EFCAB6: variants seen among roughly 807,000 people sequenced by gnomAD.
The protein encoded by EFCAB6 is EF-hand calcium binding domain 6.
EFCAB6 carries 156 observed loss-of-function variants against 169.8 expected under a neutral mutation model. The observed-to-expected ratio is 0.92, with a 90% CI of 0.81 to 1.05. The LOEUF is 1.05. EFCAB6 is among the 50% of genes least tolerant of loss of function. The pLI is 0.00. For missense variants in EFCAB6, 1,800 were observed against 1,829.1 expected, an observed-to-expected ratio of 0.98 and a Z score of 0.29; for synonymous variants, 698 against 676.4, an observed-to-expected ratio of 1.03 and a Z score of -0.50.
At chr22:43,806,193 G>A (rs1361000040) in intron 2 of EFCAB6, among the ~76,000 whole-genome samples, 4 of 149,694 alleles carry the variant, frequency 2.7e-5, no homozygotes, top group South Asian at 2.1e-4. Context: ...GAGGGGGAGG[G>A]GAGGGGAGGG....
intron 10 of EFCAB6, among the ~76,000 whole-genome samples, chr22:43,707,626 T>C (rs189103298): frequency 6.6e-6 from 1 of 152,280 alleles, no homozygotes; most frequent in Non-Finnish European, 1.5e-5. Flanking sequence ...AAGGAGATAA[T>C]TCTCAGACAA....
At chr22:43,666,691 GTTT>G (rs137764) in intron 17 of EFCAB6, among the ~76,000 whole-genome samples, 1 of 77,864 alleles carries the variant, frequency 1.3e-5, no homozygotes, top group Non-Finnish European at 2.3e-5. Flanking sequence ...CTGCCAGATT[GTTT>G]TTTTTTTTTT....
intron 26 of EFCAB6, among the ~76,000 whole-genome samples, chr22:43,571,329 G>A (rs562160609): frequency 1.6e-4 from 25 of 152,254 alleles, no homozygotes; most frequent in African/African-American, 4.8e-4. Context: ...GATTACTCAC[G>A]GTGAACTTGC....
At chr22:43,612,999 T>C (rs912690128) in intron 21 of EFCAB6, among the ~76,000 whole-genome samples, 3 of 150,534 alleles carry the variant, frequency 2.0e-5, no homozygotes, top group Non-Finnish European at 4.4e-5. Flanking sequence ...CCAACCATTG[T>C]GGAAAGCAGT....
intron 2 of EFCAB6, among the ~76,000 whole-genome samples, chr22:43,800,594 T>C (rs2062675132): frequency 1.3e-5 from 2 of 152,190 alleles, no homozygotes; most frequent in Admixed American, 6.5e-5. Flanking sequence ...AGAAAATCAA[T>C]TCAGAACTTT....
intron 27 of EFCAB6, 193 bp from the exon 28 acceptor site, chr22:43,540,550 A>G: frequency 6.6e-7 from 1 of 1,519,792 alleles, no homozygotes; most frequent in Non-Finnish European, 8.8e-7. Context: ...GACTCTGGAA[A>G]AGCAAAGACA....
intron 17 of EFCAB6, among the ~76,000 whole-genome samples, chr22:43,644,278 A>T (rs1413018917): frequency 6.6e-6 from 1 of 152,144 alleles, no homozygotes; most frequent in East Asian, 1.9e-4. Context: ...AAGGAAAGCC[A>T]CATATTAGTG....
At chr22:43,696,769 G>A (rs2058591457) in intron 10 of EFCAB6, among the ~76,000 whole-genome samples, 1 of 152,170 alleles carries the variant, frequency 6.6e-6, no homozygotes, top group South Asian at 2.1e-4. Context: ...GTGACAGAGA[G>A]CAAGTCAATG....
chr22:43,580,780 T>G, intron 24 of EFCAB6, 121 bp from the exon 25 acceptor site: 6 of 1,038,124 alleles, frequency 5.8e-6, no homozygotes, highest in Non-Finnish European at 8.5e-6. Context: ...TAAGACACCA[T>G]TCCCTTCGCT....
At chr22:43,735,334 CACCCCACCCTCCT>C (rs2060093527) in intron 7 of EFCAB6, among the ~76,000 whole-genome samples, 1 of 148,432 alleles carries the variant, frequency 6.7e-6, no homozygotes, top group African/African-American at 2.4e-5. Context: ...TCCTGCCGCA[CACCCCACCCTCCT>C]GCCGCACACC....
chr22:43,575,327 A>G (rs2050173167), intron 26 of EFCAB6, among the ~76,000 whole-genome samples: 1 of 144,700 alleles, frequency 6.9e-6, no homozygotes, highest in Non-Finnish European at 1.5e-5. Flanking sequence ...AGTAGCTGGG[A>G]TTACAGGCAC....
Position 43,554,880 on chromosome 22 carries a change from T to G in EFCAB6, c.3637A>C (p.Thr1213Pro). 1 of 1,614,166 alleles carries G rather than the reference T, an allele frequency of 6.2e-7. No individual in the cohort carries two copies. Among genetic ancestry groups the G allele is most frequent in the East Asian group, 2.2e-5 (1 of 44,882 alleles). Residue 1213 changes from threonine to proline, a missense_variant, in exon 27 of 32, where the codon ACG (threonine) becomes CCG (proline). By Grantham distance (38) the Thr-to-Pro change is conservative (BLOSUM62 -1). Coordinates refer to ENST00000262726, the MANE Select transcript of EFCAB6 (RefSeq NM_022785.4). ...CTGGCGTTTCTTACCTGTTCGTCCG[T>G]CAGGATTTGGACGCGGCGATTACAA... ...AICNRRVQIL[T>P]DEQFDRLWNE...
intron 17 of EFCAB6, among the ~76,000 whole-genome samples, chr22:43,662,525 C>T (rs1254033646): frequency 6.6e-6 from 1 of 152,160 alleles, no homozygotes; most frequent in East Asian, 1.9e-4. Flanking sequence ...AAGTTTGTGA[C>T]ACAGACCTTC....
intron 30 of EFCAB6, 111 bp downstream of exon 30, chr22:43,534,577 A>T (rs909291123): frequency 2.9e-6 from 3 of 1,038,170 alleles, no homozygotes; most frequent in Non-Finnish European, 4.0e-6. Context: ...GTGAACCGTG[A>T]ACCACTGTTC....
chr22:43,801,692 A>G lies in EFCAB6; in HGVS notation c.-8+7303T>C, dbSNP rs1374797410. 5.3e-5 allele frequency among the ~76,000 whole-genome samples: 8 copies of G among 152,346 alleles called. 1 individual carries two copies. In the East Asian group the frequency reaches 1.5e-3, roughly 29 times the overall value. ...TTTAAAATAATTTGTTATATCTATA[A>G]GATGTTTCTGTAAGCCTCATGGTAA... On this transcript the variant is annotated intron_variant, in intron 2 of 31. Transcript: ENST00000262726.
intron 8 of EFCAB6, among the ~76,000 whole-genome samples, chr22:43,729,281 G>A (rs778116994): frequency 6.6e-5 from 10 of 152,110 alleles, no homozygotes; most frequent in Non-Finnish European, 1.3e-4. Flanking sequence ...TTTAAATAGA[G>A]ACAGGGTCTT....
chr22:43,581,321 C>A (rs2050709267), intron 24 of EFCAB6, among the ~76,000 whole-genome samples: 1 of 152,146 alleles, frequency 6.6e-6, no homozygotes, highest in South Asian at 2.1e-4. Flanking sequence ...AGTTGTCAAG[C>A]TGAAAGCACT....
At chr22:43,604,030 C>G (rs966758337) in intron 22 of EFCAB6, among the ~76,000 whole-genome samples, 1 of 152,160 alleles carries the variant, frequency 6.6e-6, no homozygotes, top group Non-Finnish European at 1.5e-5. Context: ...CCACCTTCAT[C>G]CTGCTCTGGC....
chr22:43,598,377 CTAA>C (rs2052221885), intron 23 of EFCAB6, among the ~76,000 whole-genome samples: 2 of 140,884 alleles, frequency 1.4e-5, no homozygotes, highest in African/African-American at 5.4e-5. Flanking sequence ...TTACCAGAGG[CTAA>C]TTTACCAGAG....
Sources: allele counts gnomAD v4.1 joint callset (sites outside exome capture counted in the v4.1 genomes callset), GRCh38; gene constraint gnomAD v4.1.1; transcripts MANE v1.5; gene names NCBI Gene and HGNC (gene_info 2026-07-23, HGNC 2026-07-21).